STS: variants seen among roughly 807,000 people sequenced by gnomAD.
The protein encoded by STS is steroid sulfatase.
A neutral mutation model predicts 26.8 loss-of-function variants in STS; 7 were observed. The observed-to-expected ratio is 0.26, with a 90% CI of 0.15 to 0.49. STS has a LOEUF of 0.49. Among genes scored for constraint, STS ranks in the 20% least tolerant of loss-of-function variants. STS has a pLI of 0.98. For missense variants in STS, 434 were observed against 465.6 expected, an observed-to-expected ratio of 0.93 and a Z score of 0.63; for synonymous variants, 199 against 189.4, an observed-to-expected ratio of 1.05 and a Z score of -0.42.
At chrX:7,152,227 C>T (rs1020896072) in intron 1 of STS, among the ~76,000 whole-genome samples, 6 of 112,200 alleles carry the variant, frequency 5.3e-5, no homozygotes, top group Non-Finnish European at 1.1e-4. Flanking sequence ...GCTGGGATTA[C>T]AGGCGTGAGC....
Position 7,276,064 on chromosome X carries a change from T to C in STS, c.920T>C (p.Val307Ala). 1 of 1,209,168 alleles carries C rather than the reference T, an allele frequency of 8.3e-7. No individual in the cohort carries two copies. Among genetic ancestry groups the C allele is most frequent in the East Asian group, 3.0e-5 (1 of 33,677 alleles). The change falls in exon 7 of 11, where the codon GTT (valine) becomes GCT (alanine). Residue 307 changes from valine to alanine, a missense_variant. Val to Ala is a moderately conservative substitution (Grantham distance 64, BLOSUM62 0). Around this residue, in one of 2 missense-constraint regions of STS, gnomAD observed 229 missense variants for 288.3 expected, o/e 0.79. Transcript: ENST00000674429. ...CAACACGGAGTCTACGGGGATGCTG[T>C]TGAGGAAATGGACTGGAGTGTGGGT... ...KSQHGVYGDAVEEMDWSVGQI... is the reference protein window; with the variant it reads ...KSQHGVYGDAAEEMDWSVGQI...
At chrX:7,177,076 G>C (rs1029944095) in intron 1 of STS, among the ~76,000 whole-genome samples, 18 of 111,462 alleles carry the variant, frequency 1.6e-4, no homozygotes, top group African/African-American at 4.6e-4. Context: ...CTGGCTCTCT[G>C]AGATAATCCA....
At chrX:7,264,424 G>A (rs1168088868) in intron 6 of STS, among the ~76,000 whole-genome samples, 20 of 112,681 alleles carry the variant, frequency 1.8e-4, no homozygotes, top group Admixed American at 4.7e-4. Flanking sequence ...GCATTGCAGG[G>A]CTGACCACCT....
intron 2 of STS, among the ~76,000 whole-genome samples, chrX:7,231,677 A>G (rs1439439290): frequency 9.0e-6 from 1 of 111,285 alleles, no homozygotes; most frequent in Non-Finnish European, 1.9e-5. Flanking sequence ...CAACCTTGGC[A>G]TTATCGGTAC....
chrX:7,261,554 ATGT>A (rs1923749680), intron 6 of STS, among the ~76,000 whole-genome samples: 2 of 111,456 alleles, frequency 1.8e-5, no homozygotes, highest in Non-Finnish European at 3.8e-5. Context: ...CACATGGAAG[ATGT>A]TGTGTTCCTC....
At chrX:7,185,409 T>G (rs1362265114) in intron 1 of STS, among the ~76,000 whole-genome samples, 1 of 113,295 alleles carries the variant, frequency 8.8e-6, no homozygotes, top group Admixed American at 9.3e-5. Flanking sequence ...TGTATTTCAA[T>G]AAATCTTTAT....
intron 8 of STS, among the ~76,000 whole-genome samples, chrX:7,324,217 C>T (rs1451317614): frequency 9.0e-6 from 1 of 110,699 alleles, no homozygotes; most frequent in Admixed American, 9.7e-5. Flanking sequence ...CAAAGAATTT[C>T]TGATTGGCAG....
intron 7 of STS, among the ~76,000 whole-genome samples, chrX:7,289,543 G>A (rs1318245085): frequency 9.0e-6 from 1 of 111,671 alleles, no homozygotes; most frequent in Non-Finnish European, 1.9e-5. Flanking sequence ...GCTGGCTGGT[G>A]CTACTGTGCA....
At chrX:7,231,502 C>T (rs902032613) in intron 2 of STS, among the ~76,000 whole-genome samples, 1 of 111,160 alleles carries the variant, frequency 9.0e-6, no homozygotes, top group Non-Finnish European at 1.9e-5. Flanking sequence ...AGAGGTCAGG[C>T]TAGGGGGATG....
At chrX:7,232,592 A>G (rs191614904) in intron 2 of STS, among the ~76,000 whole-genome samples, 168 of 111,738 alleles carry the variant, frequency 1.5e-3, no homozygotes, top group African/African-American at 5.2e-3. Flanking sequence ...GCAGTTTCCT[A>G]CCTTGAACAG....
At chrX:7,157,952 A>G (rs1221658043) in intron 1 of STS, among the ~76,000 whole-genome samples, 1 of 112,278 alleles carries the variant, frequency 8.9e-6, no homozygotes, top group Admixed American at 9.4e-5. Context: ...TTCCATGTAG[A>G]TAACCAGGAA....
intron 10 of STS, among the ~76,000 whole-genome samples, chrX:7,344,831 C>T (rs1422516827): frequency 9.0e-6 from 1 of 111,352 alleles, no homozygotes; most frequent in African/African-American, 3.3e-5. Flanking sequence ...CGCGCAGTGT[C>T]TTTACTTGTG....
intron 2 of STS, among the ~76,000 whole-genome samples, chrX:7,236,070 A>G (rs1922298535): frequency 8.9e-6 from 1 of 112,244 alleles, no homozygotes. Context: ...CAATTTAACT[A>G]CAAGTATTTA....
At chrX:7,299,268 G>T (rs1285821537) in intron 7 of STS, among the ~76,000 whole-genome samples, 2 of 93,550 alleles carry the variant, frequency 2.1e-5, no homozygotes, top group Non-Finnish European at 4.1e-5. Context: ...TAAATTATAT[G>T]TAAGTATATA....
intron 8 of STS, among the ~76,000 whole-genome samples, chrX:7,323,866 C>G (rs1230107427): frequency 1.8e-5 from 2 of 111,121 alleles, no homozygotes; most frequent in East Asian, 2.8e-4. Context: ...GTGCCCTTCT[C>G]TGCCTTTAAA....
intron 2 of STS, among the ~76,000 whole-genome samples, chrX:7,193,333 T>C (rs1933912175): frequency 8.9e-6 from 1 of 112,487 alleles, no homozygotes; most frequent in South Asian, 3.7e-4. Flanking sequence ...CATGAATTTC[T>C]GACCTCGCTT....
intron 2 of STS, among the ~76,000 whole-genome samples, chrX:7,206,119 G>C (rs1013714099): frequency 6.3e-5 from 7 of 111,323 alleles, no homozygotes; most frequent in Non-Finnish European, 1.1e-4. Context: ...TCATCGTTTT[G>C]GGCCCCCAGG....
chrX:7,294,327 C>T (rs1378778052), intron 7 of STS, among the ~76,000 whole-genome samples: 1 of 109,960 alleles, frequency 9.1e-6, no homozygotes, highest in African/African-American at 3.3e-5. Flanking sequence ...TGGTATCTTC[C>T]AAGAAGATAC....
At chrX:7,199,652 T>A (rs1336204863) in intron 2 of STS, among the ~76,000 whole-genome samples, 1 of 111,522 alleles carries the variant, frequency 9.0e-6, no homozygotes, top group African/African-American at 3.3e-5. Flanking sequence ...CCAGTTGATA[T>A]TAGTCATCTG....
Sources: allele counts gnomAD v4.1 joint callset (sites outside exome capture counted in the v4.1 genomes callset), GRCh38; gene constraint gnomAD v4.1.1; regional missense constraint gnomAD v4.1.1; transcripts MANE v1.5; gene names NCBI Gene and HGNC (gene_info 2026-07-23, HGNC 2026-07-21).